HYAL2: variants seen among roughly 807,000 people sequenced by gnomAD.
HYAL2 encodes hyaluronidase-2.
A neutral mutation model predicts 35.4 loss-of-function variants in HYAL2; 30 were observed. The observed-to-expected ratio is 0.85, with a 90% confidence interval of 0.63 to 1.15. The LOEUF (loss-of-function observed/expected upper bound fraction) is 1.15. Among genes scored for constraint, HYAL2 ranks in the 50% most tolerant of loss-of-function variants. The pLI is 0.00. For missense variants in HYAL2, 635 were observed against 646.5 expected (o/e 0.98, Z 0.19); for synonymous variants, 262 against 252.8 (o/e 1.04, Z -0.34).
chr3:50,320,496 G>T lies in HYAL2; in HGVS notation c.-7C>A. On this transcript the variant is annotated 5_prime_UTR_variant, in exon 2 of 4. Transcript: ENST00000357750. This position sits in a 1 kb window ranked among gnomAD's most constrained non-coding sequence, Gnocchi z 4.8. ...GGCCTGGGCCTGCCCGCATGCTGGGGGCTGCAGGAGGTGTCACCTGCCTGG... is the reference window on the plus strand; with the variant it reads ...GGCCTGGGCCTGCCCGCATGCTGGGTGCTGCAGGAGGTGTCACCTGCCTGG... The T allele has an allele frequency of 6.6e-7, 1 of 1,520,568 alleles. No individual in the cohort carries two copies. The allele number at this position is 1,520,568 out of a possible 1,614,324, so 94.2% of individuals were successfully genotyped here.
chr3:50,320,863 C>T lies in HYAL2; in HGVS notation c.-46-328G>A, dbSNP rs1264023073. Reference sequence around the variant, plus strand: ...ATCCAGTACATGGTTTCAGAGAACCCTGAACAGCTGATGCCCACCCTGTAC... The same window carrying T: ...ATCCAGTACATGGTTTCAGAGAACCTTGAACAGCTGATGCCCACCCTGTAC... On this transcript the variant is annotated intron_variant, in intron 1 of 3. Transcript: ENST00000357750. The surrounding 1 kb of genome is among the most constrained non-coding windows in gnomAD (Gnocchi z 4.8). 9.6e-6 allele frequency: 2 copies of T among 208,768 alleles called. No individual in the cohort carries two copies. Among genetic ancestry groups the T allele is most frequent in the African/African-American group, 2.3e-5 (1 of 43,250 alleles). 12.9% of individuals were successfully genotyped at this position (208,768 alleles called of 1,614,324 possible).
rs1702667466 is a variant in HYAL2 at position 50,320,647 on chromosome 3, C to T, written c.-46-112G>A. On this transcript the variant is annotated intron_variant, in intron 1 of 3. Coordinates refer to ENST00000357750, the MANE Select transcript of HYAL2 (RefSeq NM_003773.5). The surrounding 1 kb of genome is among the most constrained non-coding windows in gnomAD (Gnocchi z 4.8). ...CTGTGTGGGGGCACTGTGCTCATGG[C>T]TGTAATAGGTTTGAGAGACCACAGG... 3 of 708,222 alleles carry T rather than the reference C, an allele frequency of 4.2e-6. No homozygotes were observed. Among genetic ancestry groups the T allele is most frequent in the Non-Finnish European group, 6.7e-6 (3 of 444,476 alleles). 43.9% of individuals were successfully genotyped at this position (708,222 alleles called of 1,614,324 possible).
chr3:50,318,765 G>T lies in HYAL2; in HGVS notation c.1011+191C>A, dbSNP rs1392529673. 6 of 667,566 alleles carry T rather than the reference G, an allele frequency of 9.0e-6. No individual in the cohort carries two copies. The highest frequency in any genetic ancestry group is 1.5e-5 in the Non-Finnish European group (6 of 388,386). 41.4% of individuals were successfully genotyped at this position (667,566 alleles called of 1,614,324 possible). A position where few individuals can be genotyped will look rare whatever the true frequency, so the allele number is the denominator to read the frequency against. ...TGGGGAAGGGCGGAACTCAACAGCT[G>T]TTCAGGACAGCATTTCCTCTTTCCT... On this transcript the variant is annotated intron_variant, in intron 3 of 3. Coordinates refer to ENST00000357750, the MANE Select transcript of HYAL2 (RefSeq NM_003773.5). The surrounding 1 kb of genome is among the most constrained non-coding windows in gnomAD (Gnocchi z 4.5).
rs587599612 is a variant in HYAL2 at position 50,317,843 on chromosome 3, C to G, written c.*286G>C. ...TTATGTTTAATTTACAAAAGAGACC[C>G]CAAAATAATAATAATAATAAACTAT... On this transcript the variant is annotated 3_prime_UTR_variant, in exon 4 of 4. Transcript: ENST00000357750. The G allele has an allele frequency of 5.3e-4, 182 of 340,310 alleles. No homozygotes were observed. The highest frequency in any genetic ancestry group is 6.6e-4 in the Non-Finnish European group (124 of 188,522). The allele number at this position is 340,310 out of a possible 1,614,324, so 21.1% of individuals were successfully genotyped here. A position where few individuals can be genotyped will look rare whatever the true frequency, so the allele number is the denominator to read the frequency against.
Position 50,318,200 on chromosome 3 carries a change from C to G in HYAL2, c.1351G>C (p.Glu451Gln), listed in dbSNP as rs373307469. 1.2e-6 allele frequency: 2 copies of G among 1,612,738 alleles called. No individual in the cohort carries two copies. Among genetic ancestry groups the G allele is most frequent in the Non-Finnish European group, 1.7e-6 (2 of 1,179,832 alleles). The change falls in exon 4 of 4, where the codon GAG becomes CAG. Residue 451 changes from glutamate (E) to glutamine (Q), a missense_variant. By Grantham distance (29) the Glu-to-Gln change is conservative (BLOSUM62 2). Transcript: ENST00000357750. This position sits in a 1 kb window ranked among gnomAD's most constrained non-coding sequence, Gnocchi z 4.5. The stretch of plus-strand genomic sequence containing the variant: ...GTGAGGTGGGACCCAGCCCAGGCCT[C>G]GCTGGCACCTCCAGCTGCCTGCCTA... ...DHRQAAGGAS[E>Q]AWAGSHLTSL... is the part of the protein sequence containing the mutation.
At position 50,322,193 on chromosome 3, in the gene HYAL2, A is replaced by G. The variant is rs1046017759; in HGVS notation, c.-47+460T>C. On this transcript the variant is annotated intron_variant, in intron 1 of 3. Transcript: ENST00000357750. The surrounding 1 kb of genome is among the most constrained non-coding windows in gnomAD (Gnocchi z 5.5). ...CGTGGCCGCAGGGTTGGGGTCAGGG[A>G]AGCTCAGAGGGGTCTAGGAGGTTGG... 1.3e-5 allele frequency: 2 copies of G among 152,000 alleles called. No individual in the cohort carries two copies. Among genetic ancestry groups the G allele is most frequent in the African/African-American group, 4.8e-5 (2 of 41,306 alleles). 9.4% of individuals were successfully genotyped at this position (152,000 alleles called of 1,614,324 possible).
chr3:50,318,064 T>C lies in HYAL2; in HGVS notation c.*65A>G. On this transcript the variant is annotated 3_prime_UTR_variant, in exon 4 of 4. Coordinates refer to ENST00000357750, the MANE Select transcript of HYAL2 (RefSeq NM_003773.5). The surrounding 1 kb of genome is among the most constrained non-coding windows in gnomAD (Gnocchi z 4.5). ...TCCAGTTTGTCCACCCCCTGCAGGG[T>C]CCTACATGCCTAAGAGAGCCCTTGT... 1 of 1,498,266 alleles carries C rather than the reference T, an allele frequency of 6.7e-7. No homozygotes were observed. Among genetic ancestry groups the C allele is most frequent in the Non-Finnish European group, 8.9e-7 (1 of 1,117,354 alleles). The allele number at this position is 1,498,266 out of a possible 1,614,324, so 92.8% of individuals were successfully genotyped here.
chr3:50,321,827 G>C (rs1483437532), intron 1 of HYAL2: 2 of 134,502 alleles, frequency 1.5e-5, no homozygotes, highest in African/African-American at 2.8e-5. Flanking sequence ...GGGGGGGGGG[G>C]GAATAGGAGG....
In HYAL2 at chr3:50,319,040, G is replaced by T; in HGVS notation, c.927C>A (p.Asp309Glu). 6.3e-7 allele frequency: 1 copy of T among 1,599,060 alleles called. No individual in the cohort carries two copies. Among genetic ancestry groups the T allele is most frequent in the Non-Finnish European group, 8.6e-7 (1 of 1,168,620 alleles). Residue 309 changes from aspartate to glutamate, a missense_variant, in exon 3 of 4, where the codon GAC (aspartate) becomes GAA (glutamate). Physicochemically the swap from Asp to Glu is conservative, Grantham distance 45. Transcript: ENST00000357750. Reference sequence around the variant, plus strand: ...CACTCTCGCCAATGGTAGAGATGAGGTCCATCTATGCAGGAAAAGGGATGG... The same window carrying T: ...CACTCTCGCCAATGGTAGAGATGAGTTCCATCTATGCAGGAAAAGGGATGG... ...SRRLTGLSEM[D>E]LISTIGESAA...
At position 50,318,249 on chromosome 3, in the gene HYAL2, A is replaced by C; in HGVS notation, c.1302T>G (p.Ser434Arg). 1 of 1,613,392 alleles carries C rather than the reference A, an allele frequency of 6.2e-7. No individual in the cohort carries two copies. The highest frequency in any genetic ancestry group is 1.1e-5 in the South Asian group (1 of 91,082). ...TATGGTCCCACTGGCATTGCTCACC[A>C]CTCCAGCCCAAGTAGCACTGGCAGC... ...HFRCQCYLGWSGEQCQWDHRQ... is the reference protein window; with the variant it reads ...HFRCQCYLGWRGEQCQWDHRQ... Residue 434 changes from serine to arginine, a missense_variant, in exon 4 of 4, where the codon AGT becomes AGG. Coordinates refer to ENST00000357750, the MANE Select transcript of HYAL2 (RefSeq NM_003773.5). The surrounding 1 kb of genome is among the most constrained non-coding windows in gnomAD (Gnocchi z 4.5).
rs1553716282 is a variant in HYAL2 at position 50,319,882 on chromosome 3, C to G, written c.608G>C (p.Trp203Ser). 3 of 1,613,744 alleles carry G rather than the reference C, an allele frequency of 1.9e-6. No homozygotes were observed. The highest frequency in any genetic ancestry group is 2.5e-6 in the Non-Finnish European group (3 of 1,180,038). ...YVKAVRPRHL[W>S]GFYLFPDCYN... ...GCAGTCAGGAAAGAGGTAGAAGCCCCAGAGGTGCCGGGGCCGCACTGCCTT... is the reference window on the plus strand; with the variant it reads ...GCAGTCAGGAAAGAGGTAGAAGCCCGAGAGGTGCCGGGGCCGCACTGCCTT... Residue 203 changes from tryptophan to serine, a missense_variant, in exon 2 of 4, where the codon TGG (tryptophan) becomes TCG (serine). Physicochemically the swap from Trp to Ser is radical, Grantham distance 177. Coordinates refer to ENST00000357750, the MANE Select transcript of HYAL2 (RefSeq NM_003773.5).
chr3:50,318,426 G>A lies in HYAL2; in HGVS notation c.1125C>T (p.Arg375=). 1 of 1,613,268 alleles carries A rather than the reference G, an allele frequency of 6.2e-7. No homozygotes were observed. The change falls in exon 4 of 4, where the codon CGC becomes CGT. Residue 375 remains arginine, a synonymous_variant. Coordinates refer to ENST00000357750, the MANE Select transcript of HYAL2 (RefSeq NM_003773.5). This position sits in a 1 kb window ranked among gnomAD's most constrained non-coding sequence, Gnocchi z 4.5. ...CSRAQCHGHG[R]CVRRNPSAST... ...TGGCACTGGGGTTGCGGCGCACACAGCGCCCATGGCCATGGCACTGGGCCC... is the reference window on the plus strand; with the variant it reads ...TGGCACTGGGGTTGCGGCGCACACAACGCCCATGGCCATGGCACTGGGCCC...
Position 50,318,774 on chromosome 3 carries a change from A to G in HYAL2, c.1011+182T>C. On this transcript the variant is annotated intron_variant, in intron 3 of 3. Coordinates refer to ENST00000357750, the MANE Select transcript of HYAL2 (RefSeq NM_003773.5). This position sits in a 1 kb window ranked among gnomAD's most constrained non-coding sequence, Gnocchi z 4.5. The stretch of plus-strand genomic sequence containing the variant: ...GCGGAACTCAACAGCTGTTCAGGAC[A>G]GCATTTCCTCTTTCCTGAGAGCAGG... The G allele has an allele frequency of 1.5e-6, 1 of 675,698 alleles. No homozygotes were observed. The highest frequency in any genetic ancestry group is 1.8e-5 in the South Asian group (1 of 55,586). The allele number at this position is 675,698 out of a possible 1,614,324, so 41.9% of individuals were successfully genotyped here.
chr3:50,318,908 CT>C lies in HYAL2; in HGVS notation c.1011+47del. 1 of 1,533,878 alleles carries C rather than the reference CT, an allele frequency of 6.5e-7. No individual in the cohort carries two copies. The highest frequency in any genetic ancestry group is 9.0e-7 in the Non-Finnish European group (1 of 1,107,616). On this transcript the variant is annotated intron_variant, in intron 3 of 3. Coordinates refer to ENST00000357750, the MANE Select transcript of HYAL2 (RefSeq NM_003773.5). This position sits in a 1 kb window ranked among gnomAD's most constrained non-coding sequence, Gnocchi z 4.5. ...AGGTTGGTAGCCAAAGGCCCTAACT[CT>C]CTGTCTGTCCCATAGACTGAGCTCT...
At position 50,318,916 on chromosome 3, in the gene HYAL2, G is replaced by C. The variant is rs782377962; in HGVS notation, c.1011+40C>G. ...AGCCAAAGGCCCTAACTCTCTGTCT[G>C]TCCCATAGACTGAGCTCTGGCAGGC... On this transcript the variant is annotated intron_variant, in intron 3 of 3. Coordinates refer to ENST00000357750, the MANE Select transcript of HYAL2 (RefSeq NM_003773.5). The surrounding 1 kb of genome is among the most constrained non-coding windows in gnomAD (Gnocchi z 4.5). 1 of 1,548,062 alleles carries C rather than the reference G, an allele frequency of 6.5e-7. No individual in the cohort carries two copies.
In HYAL2 at chr3:50,320,349, A is replaced by G. The variant is rs1702658951; in HGVS notation, c.141T>C (p.Cys47=). The G allele has an allele frequency of 1.2e-6, 2 of 1,613,754 alleles. No homozygotes were observed. The highest frequency in any genetic ancestry group is 1.7e-6 in the Non-Finnish European group (2 of 1,179,960). Residue 47 remains cysteine (C), a synonymous_variant, in exon 2 of 4, where the codon TGT becomes TGC. Transcript: ENST00000357750. The surrounding 1 kb of genome is among the most constrained non-coding windows in gnomAD (Gnocchi z 4.8). ...CCAGTGGCACCTTGAGGCGTGGGCC[A>G]CAGTCCTGTGTGGGCACGTCCCACG... is the stretch of plus-strand genomic sequence containing the variant. ...VVAWDVPTQD[C]GPRLKVPLDL...
Position 50,318,323 on chromosome 3 carries a change from C to T in HYAL2, c.1228G>A (p.Val410Met). ...HAPGEPQLRP[V>M]GELSWADIDH... is the part of the protein sequence containing the mutation. ...ATGTCGGCCCAACTGAGCTCCCCCA[C>T]AGGTCGCAGCTGGGGTTCACCAGGT... is the stretch of plus-strand genomic sequence containing the variant. Residue 410 changes from valine (V) to methionine (M), a missense_variant, in exon 4 of 4, where the codon GTG becomes ATG. By Grantham distance (21) the Val-to-Met change is conservative. Coordinates refer to ENST00000357750, the MANE Select transcript of HYAL2 (RefSeq NM_003773.5). This position sits in a 1 kb window ranked among gnomAD's most constrained non-coding sequence, Gnocchi z 4.5. The T allele has an allele frequency of 6.2e-7, 1 of 1,613,506 alleles. No individual in the cohort carries two copies. The highest frequency in any genetic ancestry group is 8.5e-7 in the Non-Finnish European group (1 of 1,180,034).
chr3:50,318,477 CACA>C lies in HYAL2; in HGVS notation c.1071_1073del (p.Asn357_Val358delinsLys), dbSNP rs1288525986. On this transcript the variant is annotated inframe_deletion, in exon 4 of 4. Coordinates refer to ENST00000357750, the MANE Select transcript of HYAL2 (RefSeq NM_003773.5). The surrounding 1 kb of genome is among the most constrained non-coding windows in gnomAD (Gnocchi z 4.5). ...GGCTGCAATATTGGGTGGCCCAGGA[CACA>C]TTGACCACGTAGGGGACCAGCAGCC... The C allele has an allele frequency of 3.1e-6, 5 of 1,612,808 alleles. No homozygotes were observed. The highest frequency in any genetic ancestry group is 3.4e-6 in the Non-Finnish European group (4 of 1,179,872).
chr3:50,321,813 GA>G (rs1281215787), intron 1 of HYAL2: 17 of 99,830 alleles, frequency 1.7e-4, no homozygotes, highest in East Asian at 8.5e-4. Flanking sequence ...AGGGGGACGG[GA>G]AGGGGGGGGG....
Sources: allele counts gnomAD v4.1 joint callset, GRCh38; gene constraint gnomAD v4.1.1; non-coding constraint Gnocchi (gnomAD v3.1); transcripts MANE v1.5; gene names NCBI Gene and HGNC (gene_info 2026-07-23, HGNC 2026-07-21).